Variants in ASTN2 observed in about 807,000 individuals in gnomAD.
ASTN2 encodes astrotactin 2.
Under a neutral mutation model 139.8 loss-of-function variants are expected in ASTN2, and 54 were observed. The ratio of observed to expected loss-of-function variants is 0.39; its 90% CI spans 0.31 to 0.48. The LOEUF (loss-of-function observed/expected upper bound fraction) is 0.48. Ranked by LOEUF, ASTN2 falls within the 20% of genes least tolerant of loss-of-function variation. ASTN2 has a pLI of 0.95. For synonymous variants in ASTN2, 756 were observed against 719.5 expected (o/e 1.05, Z -0.81); for missense variants, 1,565 against 1,725.1 (o/e 0.91, Z 1.64).
chr9:116,779,455 A>T (rs1040309860), intron 13 of ASTN2, among the ~76,000 whole-genome samples: 10 of 151,886 alleles, frequency 6.6e-5, no homozygotes, highest in African/African-American at 1.9e-4. Flanking sequence ...CTCCAGGAGC[A>T]TGAAAAAATA....
At chr9:117,250,285 G>A (rs1833502353) in intron 2 of ASTN2, among the ~76,000 whole-genome samples, 1 of 152,116 alleles carries the variant, frequency 6.6e-6, no homozygotes, top group Non-Finnish European at 1.5e-5. Flanking sequence ...ACATTTCTTT[G>A]CCCATTGAGG....
intron 6 of ASTN2, among the ~76,000 whole-genome samples, chr9:117,013,487 T>TATA (rs1491505883): frequency 7.7e-5 from 1 of 12,904 alleles, no homozygotes; most frequent in African/African-American, 1.2e-4. Flanking sequence ...TATATATATA[T>TATA]TTTTTTTTTT....
intron 2 of ASTN2, among the ~76,000 whole-genome samples, chr9:117,246,580 C>T (rs532157842): frequency 1.4e-4 from 22 of 152,302 alleles, no homozygotes; most frequent in African/African-American, 4.6e-4. Context: ...CATTCAATAA[C>T]TTCCTGCTGG....
chr9:116,855,901 C>T (rs539922094), intron 11 of ASTN2, among the ~76,000 whole-genome samples: 2 of 152,310 alleles, frequency 1.3e-5, no homozygotes, highest in Admixed American at 1.3e-4. Context: ...ATCAGTAATA[C>T]TAGGCCTGAT....
intron 13 of ASTN2, among the ~76,000 whole-genome samples, chr9:116,804,209 G>T (rs1349253849): frequency 2.0e-5 from 3 of 152,096 alleles, no homozygotes; most frequent in African/African-American, 7.2e-5. Flanking sequence ...GAGTAAGAGG[G>T]TATGCTGAAT....
chr9:116,536,340 C>G (rs1450493835), intron 19 of ASTN2, among the ~76,000 whole-genome samples: 1 of 152,054 alleles, frequency 6.6e-6, no homozygotes, highest in African/African-American at 2.4e-5. Context: ...TCTTCTGAAG[C>G]CTTCTTCTCT....
intron 10 of ASTN2, among the ~76,000 whole-genome samples, chr9:116,877,912 C>G (rs1425150839): frequency 1.3e-5 from 2 of 152,184 alleles, no homozygotes; most frequent in African/African-American, 4.8e-5. Flanking sequence ...TGAACAGACA[C>G]TTCTTAAAAG....
At chr9:116,545,761 G>A (rs1852065635) in intron 19 of ASTN2, 1 of 152,128 alleles carries the variant, frequency 6.6e-6, no homozygotes, top group African/African-American at 2.4e-5. Context: ...TACAAGCCAG[G>A]CACTGAGCTG....
At chr9:117,053,599 C>A (rs1488582248) in intron 5 of ASTN2, among the ~76,000 whole-genome samples, 4 of 152,116 alleles carry the variant, frequency 2.6e-5, no homozygotes, top group African/African-American at 9.7e-5. Flanking sequence ...CTGTTTCACC[C>A]CAGCAACATC....
chr9:116,830,797 AAAAAAAAAGAAG>A (rs1332941295), intron 11 of ASTN2, among the ~76,000 whole-genome samples: 8 of 151,486 alleles, frequency 5.3e-5, no homozygotes, highest in African/African-American at 1.9e-4. Context: ...ATGTCAAAAA[AAAAAAAAAGAAG>A]AAGAAGAAAA....
chr9:116,614,166 G>C (rs564140788), intron 19 of ASTN2, among the ~76,000 whole-genome samples: 1 of 152,036 alleles, frequency 6.6e-6, no homozygotes, highest in African/African-American at 2.4e-5. Flanking sequence ...AACTTACAAG[G>C]GATGTGAAGG....
intron 4 of ASTN2, among the ~76,000 whole-genome samples, chr9:117,121,743 G>A (rs61003089): frequency 0.17 from 25,988 of 152,124 alleles, 2,503 homozygotes; most frequent in Non-Finnish European, 0.22. Context: ...TGTTCTGCTG[G>A]CTATACAGGT....
At chr9:116,809,883 G>A (rs1831119811) in intron 12 of ASTN2, among the ~76,000 whole-genome samples, 2 of 152,160 alleles carry the variant, frequency 1.3e-5, no homozygotes, top group South Asian at 4.1e-4. Context: ...AAGGGGCCAT[G>A]TAACTGGATT....
chr9:116,786,840 A>T (rs1255039401), intron 13 of ASTN2, among the ~76,000 whole-genome samples: 1 of 152,174 alleles, frequency 6.6e-6, no homozygotes, highest in South Asian at 2.1e-4. Context: ...TAATTGAGTC[A>T]TGGGTCCTGG....
intron 5 of ASTN2, among the ~76,000 whole-genome samples, chr9:117,066,395 C>T (rs1014674357): frequency 6.7e-6 from 1 of 148,600 alleles, no homozygotes; most frequent in Admixed American, 6.6e-5. Context: ...ATATGTGCCA[C>T]ATTTTCTTAA....
intron 19 of ASTN2, among the ~76,000 whole-genome samples, chr9:116,505,469 C>T (rs1202853841): frequency 1.3e-5 from 2 of 152,228 alleles, no homozygotes; most frequent in Middle Eastern, 3.4e-3. Context: ...AAGTCTGCCA[C>T]AATATGCAAA....
chr9:117,044,184 C>T (rs569223420), intron 5 of ASTN2, among the ~76,000 whole-genome samples: 21 of 152,180 alleles, frequency 1.4e-4, no homozygotes, highest in Non-Finnish European at 2.6e-4. Context: ...TCTATTTGTC[C>T]AACACATTCT....
intron 17 of ASTN2, among the ~76,000 whole-genome samples, chr9:116,622,608 C>A (rs190250727): frequency 6.6e-6 from 1 of 152,180 alleles, no homozygotes; most frequent in Non-Finnish European, 1.5e-5. Context: ...GAATCCCAAC[C>A]CAGATTTCTG....
intron 1 of ASTN2, among the ~76,000 whole-genome samples, chr9:117,389,963 T>C (rs573504410): frequency 6.6e-5 from 10 of 152,142 alleles, no homozygotes; most frequent in African/African-American, 2.4e-4. Context: ...CTGGGGTCTC[T>C]GGAAAGCAAA....
Sources: gnomAD v4.1 joint callset for allele counts (sites outside exome capture counted in the v4.1 genomes callset) on GRCh38, gnomAD v4.1.1 for gene constraint, MANE v1.5 for transcripts, NCBI Gene and HGNC (gene_info 2026-07-23, HGNC 2026-07-21) for gene names.